Variants in DLG1 observed in about 807,000 individuals in gnomAD.
DLG1 encodes the protein disks large homolog 1.
DLG1 carries 42 observed loss-of-function variants against 123.4 expected under a neutral mutation model. That is an observed-to-expected ratio of 0.34 (90% CI 0.27 to 0.44). The LOEUF (loss-of-function observed/expected upper bound fraction) is 0.44. Ranked by LOEUF, DLG1 falls within the 20% of genes least tolerant of loss-of-function variation. The pLI is 1.00. For missense variants in DLG1, 942 were observed against 1,082.6 expected (o/e 0.87, Z 1.82); for synonymous variants, 317 against 356.2 (o/e 0.89, Z 1.24).
chr3:197,267,703 T>C (rs1332831511), intron 4 of DLG1, among the ~76,000 whole-genome samples: 1 of 152,208 alleles, frequency 6.6e-6, no homozygotes, highest in African/African-American at 2.4e-5. Flanking sequence ...TTAAACATAC[T>C]TACAAAGACA....
At chr3:197,091,151 T>C (rs974334869) in intron 14 of DLG1, 125 bp from the exon 15 acceptor site, 1 of 552,358 alleles carries the variant, frequency 1.8e-6, no homozygotes, top group Admixed American at 3.4e-5. Flanking sequence ...AAAATAGTAA[T>C]ATGCGAAAGA....
rs367578142 is a variant in DLG1, at chr3:197,194,553, C to T, written c.355G>A (p.Glu119Lys). 6.9e-6 allele frequency: 11 copies of T among 1,604,344 alleles called. No individual in the cohort carries two copies. The highest frequency in any genetic ancestry group is 8.5e-6 in the Non-Finnish European group (10 of 1,176,468). Residue 119 changes from glutamate (E) to lysine (K), a missense_variant, in exon 5 of 25, where the codon GAG becomes AAG. Physicochemically the swap from Glu to Lys is moderately conservative, Grantham distance 56. Transcript: ENST00000667157. ...RYQDEDTPPQEHISPQITNEV... is the reference protein window; with the variant it reads ...RYQDEDTPPQKHISPQITNEV... ...TTTGTGATTTGTGGGGAAATATGCTCTTGAGGAGGTGTATCTTCATCCTGA... is the reference window on the plus strand; with the variant it reads ...TTTGTGATTTGTGGGGAAATATGCTTTTGAGGAGGTGTATCTTCATCCTGA...
rs181603033 is a variant in DLG1 at position 197,213,512 on chromosome 3, T to C, written c.319-18923A>G. Among the ~76,000 whole-genome samples, 471 of 152,312 alleles carry C rather than the reference T, an allele frequency of 3.1e-3. 1 individual carries two copies. Among genetic ancestry groups the C allele is most frequent in the Non-Finnish European group, 5.4e-3 (366 of 68,022 alleles). On this transcript the variant is annotated intron_variant, in intron 4 of 24. Coordinates refer to ENST00000667157, the MANE Select transcript of DLG1 (RefSeq NM_001366207.1). ...CACAGGGGTCTGCAGCTGTCAAAAC[T>C]AATCAAACTGTACGCTTTACACAGA... is the stretch of plus-strand genomic sequence containing the variant.
chr3:197,139,514 T>C (rs906352138), intron 8 of DLG1, among the ~76,000 whole-genome samples: 4 of 152,054 alleles, frequency 2.6e-5, no homozygotes, highest in African/African-American at 7.2e-5. Flanking sequence ...AACAAGGAAA[T>C]AGGAAAAATG....
chr3:197,153,018 CCTT>C (rs1284146371), intron 5 of DLG1, among the ~76,000 whole-genome samples: 2 of 152,110 alleles, frequency 1.3e-5, no homozygotes, highest in East Asian at 3.8e-4. Flanking sequence ...TTGTATTTCT[CCTT>C]CTCAGCATTG....
At chr3:197,117,436 G>A (rs938655195) in intron 12 of DLG1, among the ~76,000 whole-genome samples, 6 of 152,118 alleles carry the variant, frequency 3.9e-5, no homozygotes, top group African/African-American at 1.2e-4. Flanking sequence ...AATAACTCAA[G>A]TGCCCATCAT....
intron 4 of DLG1, among the ~76,000 whole-genome samples, chr3:197,281,613 A>G (rs1274329111): frequency 1.3e-5 from 2 of 152,248 alleles, no homozygotes; most frequent in African/African-American, 4.8e-5. Flanking sequence ...AAAAAAGTGT[A>G]AAGAAAATAA....
chr3:197,284,911 G>A (rs1461444886), intron 3 of DLG1, among the ~76,000 whole-genome samples: 3 of 151,280 alleles, frequency 2.0e-5, no homozygotes, highest in Admixed American at 6.6e-5. Flanking sequence ...ATTCCTGAAC[G>A]CAGATCTAAA....
At chr3:197,240,612 T>C (rs568055913) in intron 4 of DLG1, among the ~76,000 whole-genome samples, 3 of 152,200 alleles carry the variant, frequency 2.0e-5, no homozygotes, top group African/African-American at 7.2e-5. Context: ...TTAAGAAAAC[T>C]CAGTGATCTC....
intron 1 of DLG1, chr3:197,297,960 GCCGCACCC>G (rs549565726): frequency 3.1e-6 from 3 of 979,152 alleles, no homozygotes; most frequent in Non-Finnish European, 3.6e-6. Context: ...CCCCTGGGCC[GCCGCACCC>G]CCGCGGCCTC....
intron 4 of DLG1, among the ~76,000 whole-genome samples, chr3:197,240,802 A>G (rs1748457032): frequency 6.6e-6 from 1 of 152,110 alleles, no homozygotes; most frequent in South Asian, 2.1e-4. Context: ...CTCTTGACAT[A>G]AGAGAGGATC....
Position 197,145,993 on chromosome 3 carries a change from C to CAAAT in DLG1, c.538-3229_538-3226dup, listed in dbSNP as rs376255058. ...CAACAAACAGAGTGAGACACTGTCT[C>CAAAT]AAATAAATAAATAAATAAATAAATA... On this transcript the variant is annotated intron_variant, in intron 6 of 24. Transcript: ENST00000667157. Among the ~76,000 whole-genome samples, 1,381 of 149,846 alleles carry CAAAT rather than the reference C, an allele frequency of 9.2e-3. 14 individuals are homozygous for CAAAT. The highest frequency in any genetic ancestry group is 0.02 in the African/African-American group (812 of 40,774).
intron 5 of DLG1, among the ~76,000 whole-genome samples, chr3:197,152,882 A>C (rs532410962): frequency 2.6e-5 from 4 of 152,198 alleles, no homozygotes; most frequent in Non-Finnish European, 5.9e-5. Context: ...TAACAGACTG[A>C]AGCAGCCTTA....
chr3:197,287,519 T>C (rs1399239074), intron 3 of DLG1, among the ~76,000 whole-genome samples: 4 of 152,188 alleles, frequency 2.6e-5, no homozygotes, highest in Non-Finnish European at 5.9e-5. Context: ...TATATATATA[T>C]GTTTTCTTTA....
chr3:197,183,501 T>C, intron 5 of DLG1: 1 of 1,324,038 alleles, frequency 7.6e-7, no homozygotes, highest in South Asian at 1.4e-5. Context: ...ATAAAAAATC[T>C]ATATTAAGAC....
intron 5 of DLG1, among the ~76,000 whole-genome samples, chr3:197,187,673 T>C (rs1382459772): frequency 1.3e-5 from 2 of 152,188 alleles, no homozygotes; most frequent in Non-Finnish European, 2.9e-5. Flanking sequence ...CTGTCCTCCC[T>C]GTTGCTTCAT....
intron 6 of DLG1, among the ~76,000 whole-genome samples, chr3:197,145,696 G>C (rs1170381139): frequency 6.6e-6 from 1 of 152,116 alleles, no homozygotes; most frequent in Non-Finnish European, 1.5e-5. Context: ...CACAAGGTAG[G>C]TGCTCAGTAA....
chr3:197,131,381 A>C (rs1242793464), intron 10 of DLG1, among the ~76,000 whole-genome samples: 1 of 152,106 alleles, frequency 6.6e-6, no homozygotes, highest in African/African-American at 2.4e-5. Context: ...TTAAATTTCT[A>C]CTTTCGTAAT....
At chr3:197,149,531 T>A (rs1792837782) in intron 6 of DLG1, among the ~76,000 whole-genome samples, 1 of 152,112 alleles carries the variant, frequency 6.6e-6, no homozygotes, top group Non-Finnish European at 1.5e-5. Flanking sequence ...AATTTCTATT[T>A]CAAAATTTCT....
Sources: allele counts gnomAD v4.1 joint callset (sites outside exome capture counted in the v4.1 genomes callset), GRCh38; gene constraint gnomAD v4.1.1; transcripts MANE v1.5; gene names NCBI Gene and HGNC (gene_info 2026-07-23, HGNC 2026-07-21).